The following DIPK1A variants were observed in gnomAD, a reference collection of about 807,000 sequenced individuals.
The protein encoded by DIPK1A is family with sequence similarity 69 member A.
DIPK1A carries 27 observed loss-of-function variants against 40.8 expected under a neutral mutation model. That is an observed-to-expected ratio of 0.66 (90% CI 0.49 to 0.91). The LOEUF is 0.91. Among genes scored for constraint, DIPK1A ranks in the 40% least tolerant of loss-of-function variants. DIPK1A has a pLI of 0.00. For synonymous variants in DIPK1A, 166 were observed against 171.3 expected, an observed-to-expected ratio of 0.97 and a Z score of 0.24; for missense variants, 412 against 505.7, an observed-to-expected ratio of 0.81 and a Z score of 1.78.
chr1:92,947,774 T>C (rs1571149001), intron 1 of DIPK1A, among the ~76,000 whole-genome samples: 1 of 152,214 alleles, frequency 6.6e-6, no homozygotes, highest in Non-Finnish European at 1.5e-5. Context: ...CAGGACAGTA[T>C]GTTAAGTGAA....
intron 1 of DIPK1A, among the ~76,000 whole-genome samples, chr1:92,943,265 T>C (rs932211267): frequency 2.6e-5 from 4 of 152,306 alleles, no homozygotes; most frequent in Admixed American, 6.5e-5. Flanking sequence ...TGGAATTGTG[T>C]TGATGGATGA....
In DIPK1A at chr1:92,843,881, T is replaced by C. The variant is rs1325100767; in HGVS notation, c.789A>G (p.Pro263=). Residue 263 remains proline (P), a synonymous_variant, in exon 5 of 5, where the codon CCA becomes CCG. Coordinates refer to ENST00000370310, the MANE Select transcript of DIPK1A (RefSeq NM_001006605.5). The part of the protein sequence containing the change: ...FRRSMDQLFT[P]SWPRKAKIAI... ...CTATTTTGGCCTTTCTTGGCCATGA[T>C]GGTGTGAACAGCTGATCCATGCTTC... The C allele has an allele frequency of 5.8e-6, 9 of 1,551,672 alleles. No individual in the cohort carries two copies. The highest frequency in any genetic ancestry group is 7.8e-6 in the Non-Finnish European group (9 of 1,147,024).
chr1:92,861,927 G>T (rs893773098), intron 2 of DIPK1A, among the ~76,000 whole-genome samples: 1 of 152,024 alleles, frequency 6.6e-6, no homozygotes, highest in African/African-American at 2.4e-5. Context: ...CTATAGGCAC[G>T]CACTACCACA....
In DIPK1A at chr1:92,844,214, G is replaced by T; in HGVS notation, c.475-19C>A. 6.7e-7 allele frequency: 1 copy of T among 1,499,288 alleles called. No homozygotes were observed. The highest frequency in any genetic ancestry group is 9.0e-7 in the Non-Finnish European group (1 of 1,105,266). The allele number at this position is 1,499,288 out of a possible 1,614,324, so 92.9% of individuals were successfully genotyped here. A position where few individuals can be genotyped will look rare whatever the true frequency, so the allele number is the denominator to read the frequency against. On this transcript the variant is annotated intron_variant, in intron 4 of 4. Transcript: ENST00000370310. ...ATTTTGCCTGTCAAGAATTTGGCTAGTTACACAGAAGGAATGAAAAATACC... is the reference window on the plus strand; with the variant it reads ...ATTTTGCCTGTCAAGAATTTGGCTATTTACACAGAAGGAATGAAAAATACC...
At chr1:92,923,080 T>A (rs906553435) in intron 1 of DIPK1A, among the ~76,000 whole-genome samples, 1 of 152,230 alleles carries the variant, frequency 6.6e-6, no homozygotes, top group African/African-American at 2.4e-5. Flanking sequence ...TAGCTTTCCA[T>A]GCTTATTGTT....
At chr1:92,846,738 C>A (rs6697543) in intron 4 of DIPK1A, among the ~76,000 whole-genome samples, 67,748 of 109,620 alleles carry the variant, frequency 0.62, 22,466 homozygotes, top group East Asian at 0.95. Flanking sequence ...AAGCAATCCT[C>A]GCACCTCAGC....
intron 2 of DIPK1A, among the ~76,000 whole-genome samples, chr1:92,856,760 A>G (rs1688001147): frequency 6.6e-6 from 1 of 152,128 alleles, no homozygotes; most frequent in African/African-American, 2.4e-5. Flanking sequence ...AAAGGAAAAG[A>G]AGAGAAAAGA....
intron 1 of DIPK1A, among the ~76,000 whole-genome samples, chr1:92,940,448 A>G (rs1388435397): frequency 1.3e-5 from 2 of 152,202 alleles, no homozygotes; most frequent in Non-Finnish European, 2.9e-5. Context: ...TGTGATTATC[A>G]TTTAATTAAG....
At chr1:92,947,937 G>A (rs759316067) in intron 1 of DIPK1A, among the ~76,000 whole-genome samples, 12 of 152,112 alleles carry the variant, frequency 7.9e-5, no homozygotes, top group East Asian at 3.8e-4. Context: ...TTGGTTAACC[G>A]ACACAAAAGT....
At chr1:92,940,150 TG>T (rs1329256979) in intron 1 of DIPK1A, among the ~76,000 whole-genome samples, 1 of 152,182 alleles carries the variant, frequency 6.6e-6, no homozygotes, top group African/African-American at 2.4e-5. Flanking sequence ...TCTGAAATCA[TG>T]CATTACCTAA....
intron 1 of DIPK1A, among the ~76,000 whole-genome samples, chr1:92,926,717 C>T (rs1316697855): frequency 6.6e-6 from 1 of 152,136 alleles, no homozygotes; most frequent in Non-Finnish European, 1.5e-5. Flanking sequence ...GGGATTATGT[C>T]TTTCTGATAT....
chr1:92,936,833 C>G (rs186038871), intron 1 of DIPK1A, among the ~76,000 whole-genome samples: 3 of 152,226 alleles, frequency 2.0e-5, no homozygotes, highest in Admixed American at 2.0e-4. Context: ...TCATTTAGAT[C>G]TTTGGTGAAA....
intron 1 of DIPK1A, among the ~76,000 whole-genome samples, chr1:92,936,948 C>A (rs1650969115): frequency 6.6e-6 from 1 of 152,166 alleles, no homozygotes; most frequent in Non-Finnish European, 1.5e-5. Context: ...ATTCACTGTT[C>A]ATTCACTCTA....
rs374196820 is a variant in DIPK1A, at chr1:92,861,170, A to G, written c.190-10215T>C. Reference sequence around the variant, plus strand: ...TATATATTCAGACTTTCACCATTACATAAGATGTTGGCTGTGGGTTTTTCA... The same window carrying G: ...TATATATTCAGACTTTCACCATTACGTAAGATGTTGGCTGTGGGTTTTTCA... On this transcript the variant is annotated intron_variant, in intron 2 of 4. Coordinates refer to ENST00000370310, the MANE Select transcript of DIPK1A (RefSeq NM_001006605.5). 1.0e-3 allele frequency among the ~76,000 whole-genome samples: 155 copies of G among 152,266 alleles called. 4 individuals carry two copies. The highest frequency in any genetic ancestry group is 3.5e-3 in the African/African-American group (144 of 41,552).
Position 92,842,450 on chromosome 1 carries a change from TAAACCTTGTATATC to T in DIPK1A, c.*919_*932del. The T allele has an allele frequency of 1.0e-6, 1 of 978,728 alleles. No homozygotes were observed. Among genetic ancestry groups the T allele is most frequent in the Non-Finnish European group, 1.2e-6 (1 of 824,284 alleles). The allele number at this position is 978,728 out of a possible 1,614,324, so 60.6% of individuals were successfully genotyped here. ...AATAATATGAAAGAGGAGCAAATAC[TAAACCTTGTATATC>T]AAGTTTACATGGGGAAAAAAACATT... On this transcript the variant is annotated 3_prime_UTR_variant, in exon 5 of 5. Coordinates refer to ENST00000370310, the MANE Select transcript of DIPK1A (RefSeq NM_001006605.5).
At chr1:92,840,675 A>G (rs777754192), downstream of DIPK1A, 6 of 1,526,216 alleles carry the variant, frequency 3.9e-6, no homozygotes, top group Middle Eastern at 3.4e-4. Context: ...TCAAGAAAAC[A>G]GGTTGGGAAT....
Position 92,876,293 on chromosome 1 carries a change from T to G in DIPK1A, c.189+3A>C. 6.7e-7 allele frequency: 1 copy of G among 1,497,470 alleles called. No individual in the cohort carries two copies. The highest frequency in any genetic ancestry group is 1.3e-5 in the South Asian group (1 of 76,520). The allele number at this position is 1,497,470 out of a possible 1,614,324, so 92.8% of individuals were successfully genotyped here. On this transcript the variant is annotated splice_donor_region_variant and intron_variant, in intron 2 of 4. Coordinates refer to ENST00000370310, the MANE Select transcript of DIPK1A (RefSeq NM_001006605.5). ...TAGTAAACAGGAAATTTAAAATACT[T>G]ACTATTATTTTCTTACAGTCCTTTC...
At chr1:92,925,575 C>A (rs1369955988) in intron 1 of DIPK1A, among the ~76,000 whole-genome samples, 2 of 151,976 alleles carry the variant, frequency 1.3e-5, no homozygotes, top group African/African-American at 4.8e-5. Context: ...CTCACTGCAA[C>A]CTCCACCTCC....
rs1687957599 is a variant in DIPK1A, at chr1:92,855,518, G to A, written c.190-4563C>T. 2.6e-5 allele frequency among the ~76,000 whole-genome samples: 4 copies of A among 151,894 alleles called. No individual in the cohort carries two copies. In the South Asian group the frequency reaches 6.2e-4, roughly 24 times the overall value. On this transcript the variant is annotated intron_variant, in intron 2 of 4. Transcript: ENST00000370310. ...GTTTAAGACCAGCCTAGGCAACATA[G>A]TGAGACCTCATATCTAAAAATTTTT...
Sources: allele counts gnomAD v4.1 joint callset (sites outside exome capture counted in the v4.1 genomes callset), GRCh38; gene constraint gnomAD v4.1.1; transcripts MANE v1.5; gene names NCBI Gene and HGNC (gene_info 2026-07-23, HGNC 2026-07-21).